SLC60A1: variants seen among roughly 807,000 people sequenced by gnomAD.
SLC60A1 encodes solute carrier family 60 member 1.
At chr1:205,593,139 C>T in the SLC60A1 span, among the ~76,000 whole-genome samples, 1 of 151,974 alleles carries the variant, frequency 6.6e-6, no homozygotes, top group African/African-American at 2.4e-5. Context: ...TTGAACATCA[C>T]CAGAGACGCA....
chr1:205,584,728 T>C, the SLC60A1 span: 6 of 702,882 alleles, frequency 8.5e-6, no homozygotes, highest in Admixed American at 6.3e-5. Flanking sequence ...GGACAGGGGT[T>C]ATTCCTAACA....
chr1:205,593,935 C>T, the SLC60A1 span, among the ~76,000 whole-genome samples: 1 of 152,216 alleles, frequency 6.6e-6, no homozygotes, highest in African/African-American at 2.4e-5. Flanking sequence ...TCTGGCTCCT[C>T]TGAGTGGGGG....
At chr1:205,588,339 G>A in the SLC60A1 span, among the ~76,000 whole-genome samples, 1 of 151,946 alleles carries the variant, frequency 6.6e-6, no homozygotes, top group Non-Finnish European at 1.5e-5. Context: ...GCGTGGTGGC[G>A]CCTGCCTGTA....
At chr1:205,599,134 T>C in the SLC60A1 span, 5 of 1,614,138 alleles carry the variant, frequency 3.1e-6, no homozygotes, top group Non-Finnish European at 4.2e-6. Flanking sequence ...TTGGCAGATA[T>C]TCCAGGCTCA....
At chr1:205,589,984 C>T in the SLC60A1 span, among the ~76,000 whole-genome samples, 1 of 152,148 alleles carries the variant, frequency 6.6e-6, no homozygotes, top group African/African-American at 2.4e-5. Context: ...GAATCAAGGA[C>T]CTTAGACACA....
the SLC60A1 span, chr1:205,599,700 T>G: frequency 6.3e-6 from 1 of 158,804 alleles, no homozygotes; most frequent in Non-Finnish European, 1.4e-5. Flanking sequence ...CAAAAAGAAG[T>G]CCTTCAGGCC....
At chr1:205,583,925 G>T in the SLC60A1 span, 36 of 1,604,356 alleles carry the variant, frequency 2.2e-5, no homozygotes, top group Admixed American at 2.2e-4. Context: ...TTCAGGGCAG[G>T]GCTCTCCTGA....
At chr1:205,598,963 A>C in the SLC60A1 span, 1 of 879,936 alleles carries the variant, frequency 1.1e-6, no homozygotes, top group Non-Finnish European at 1.8e-6. Flanking sequence ...AGACACATCA[A>C]CTTGAAACAA....
At chr1:205,587,325 G>C in the SLC60A1 span, among the ~76,000 whole-genome samples, 2 of 152,280 alleles carry the variant, frequency 1.3e-5, no homozygotes, top group South Asian at 4.1e-4. Flanking sequence ...GCATTTCCTT[G>C]GTTGAATTTC....
the SLC60A1 span, among the ~76,000 whole-genome samples, chr1:205,575,882 C>T: frequency 6.6e-6 from 1 of 152,170 alleles, no homozygotes; most frequent in Non-Finnish European, 1.5e-5. Flanking sequence ...CTGAATTAAC[C>T]TGTGAGCCCA....
At chr1:205,585,947 C>G in the SLC60A1 span, 8 of 1,444,060 alleles carry the variant, frequency 5.5e-6, no homozygotes, top group African/African-American at 1.4e-5. This position sits in a 1 kb window ranked among gnomAD's most constrained non-coding sequence, Gnocchi z 4.2. Flanking sequence ...CTGCCCTCCC[C>G]ACACCTGCCC....
chr1:205,583,292 G>A, the SLC60A1 span, among the ~76,000 whole-genome samples: 4 of 152,182 alleles, frequency 2.6e-5, no homozygotes, highest in Non-Finnish European at 5.9e-5. Flanking sequence ...CAGGCTGTTC[G>A]TAAACATGTA....
chr1:205,581,838 A>G, the SLC60A1 span, among the ~76,000 whole-genome samples: 3 of 152,280 alleles, frequency 2.0e-5, no homozygotes, highest in African/African-American at 4.8e-5. The surrounding 1 kb of genome is among the most constrained non-coding windows in gnomAD (Gnocchi z 4.2). Flanking sequence ...TGCCACACAC[A>G]TAGCACTGAA....
the SLC60A1 span, among the ~76,000 whole-genome samples, chr1:205,597,146 G>A: frequency 6.6e-6 from 1 of 152,220 alleles, no homozygotes; most frequent in African/African-American, 2.4e-5. Context: ...TTCTGGAAAG[G>A]TAGGTAGCAG....
the SLC60A1 span, chr1:205,592,198 T>C: frequency 6.2e-7 from 1 of 1,614,040 alleles, no homozygotes; most frequent in African/African-American, 1.3e-5. Flanking sequence ...GTCGTCTTCC[T>C]GTTCGTGGGG....
the SLC60A1 span, chr1:205,580,783 G>C: frequency 1.2e-6 from 2 of 1,614,170 alleles, no homozygotes; most frequent in Admixed American, 3.3e-5. The surrounding 1 kb of genome is among the most constrained non-coding windows in gnomAD (Gnocchi z 5.0). Context: ...GAGGCCACCT[G>C]TTCCATGTCT....
At chr1:205,574,937 G>A in the SLC60A1 span, among the ~76,000 whole-genome samples, 3 of 152,194 alleles carry the variant, frequency 2.0e-5, no homozygotes, top group African/African-American at 7.2e-5. Context: ...CAGTTTGTCT[G>A]CCCCTCCCTT....
chr1:205,595,335 A>G, the SLC60A1 span, among the ~76,000 whole-genome samples: 97,879 of 152,008 alleles, frequency 0.64, 32,167 homozygotes, highest in African/African-American at 0.71. Context: ...TGCCTGGAAC[A>G]TCCTCCCTGC....
At chr1:205,569,066 C>A in the SLC60A1 span, 1 of 1,472,430 alleles carries the variant, frequency 6.8e-7, no homozygotes, top group Non-Finnish European at 9.0e-7. Flanking sequence ...CGTCAGCCTG[C>A]GCCATGGGCT....
Sources: gnomAD v4.1 joint callset for allele counts (sites outside exome capture counted in the v4.1 genomes callset) on GRCh38, gnomAD v4.1.1 for gene constraint, Gnocchi (gnomAD v3.1) non-coding constraint, MANE v1.5 for transcripts, NCBI Gene and HGNC (gene_info 2026-07-23, HGNC 2026-07-21) for gene names.